The following ZNF185 variants were observed in gnomAD, a reference collection of about 807,000 sequenced individuals.
The protein encoded by ZNF185 is zinc finger protein 185 with LIM domain, also known as zinc finger protein 185.
In ZNF185, 56 loss-of-function variants were observed where a neutral mutation model predicts 58.6. The observed-to-expected ratio is 0.95, with a 90% CI of 0.77 to 1.19. The LOEUF (loss-of-function observed/expected upper bound fraction) is 1.19. Among genes scored for constraint, ZNF185 ranks in the 50% most tolerant of loss-of-function variants. The pLI is 0.00. For missense variants in ZNF185, 627 were observed against 573.5 expected (o/e 1.09, Z -0.95); for synonymous variants, 230 against 215.9 (o/e 1.07, Z -0.57).
At chrX:152,926,675 A>G (rs1480504831) in intron 11 of ZNF185, among the ~76,000 whole-genome samples, 8 of 111,640 alleles carry the variant, frequency 7.2e-5, no homozygotes, top group African/African-American at 2.3e-4. Flanking sequence ...TTCAGCTTGG[A>G]CTGGAGCTGT....
At chrX:152,920,913 C>T (rs1416019917) in intron 9 of ZNF185, among the ~76,000 whole-genome samples, 165 bp downstream of exon 10, 1 of 112,481 alleles carries the variant, frequency 8.9e-6, no homozygotes, top group Non-Finnish European at 1.9e-5. Flanking sequence ...TGTCTGGAGG[C>T]CTGGCAAGCA....
At chrX:152,971,675 G>A (rs1556919371) in exon 23 of ZNF185, 2 of 112,190 alleles carry the variant, frequency 1.8e-5, no homozygotes. Flanking sequence ...GACTGTTGAT[G>A]ATCCCTGGTG....
At position 152,920,732 on chromosome X, in the gene ZNF185, C is replaced by T. The variant is rs782018245; in HGVS notation, c.640C>T (p.Pro214Ser). The T allele has an allele frequency of 1.1e-4, 133 of 1,210,732 alleles. No homozygotes were observed. The East Asian group carries it at 3.9e-3, about 36-fold the overall frequency. Residue 214 changes from proline (P) to serine (S), a missense_variant, in exon 9 of 23, where the codon CCG (proline) becomes TCG (serine). Pro to Ser is a moderately conservative substitution (Grantham distance 74, BLOSUM62 -1). Transcript: ENST00000449285. The stretch of plus-strand genomic sequence containing the variant: ...CAGTCCTACCCAGGAGACACAGGCA[C>T]CGTTTATCGCGAAGAGGTAAGTGTC...
chrX:152,971,787 GTAGT>G (rs1486830627), exon 23 of ZNF185: 4 of 112,387 alleles, frequency 3.6e-5, no homozygotes, highest in African/African-American at 9.7e-5. Context: ...ACTTGTAAAA[GTAGT>G]TAGTTGCTTT....
intron 17 of ZNF185, among the ~76,000 whole-genome samples, chrX:152,960,181 CA>C (rs1188636760): frequency 1.8e-5 from 2 of 111,926 alleles, no homozygotes; most frequent in Non-Finnish European, 3.8e-5. Context: ...AAACCTGGGT[CA>C]GGGGAGGGAT....
intron 18 of ZNF185, 28 bp downstream of exon 20, chrX:152,963,977 A>C (rs1367536577): frequency 9.3e-6 from 11 of 1,177,286 alleles, no homozygotes; most frequent in African/African-American, 1.8e-5. Context: ...GCAACCTGGG[A>C]GATGTTCCTC....
intron 16 of ZNF185, among the ~76,000 whole-genome samples, chrX:152,948,331 T>C (rs1208082650): frequency 9.0e-6 from 1 of 111,173 alleles, no homozygotes; most frequent in Non-Finnish European, 1.9e-5. Flanking sequence ...TGTGACGTGA[T>C]GGATGTGGGA....
chrX:152,920,266 G>A (rs1939430462), intron 7 of ZNF185, 62 bp from the exon 9 acceptor site: 2 of 1,140,449 alleles, frequency 1.8e-6, no homozygotes, highest in Admixed American at 4.5e-5. Context: ...TCCCAGGCTA[G>A]GCTGGCAGAG....
intron 21 of ZNF185, 58 bp from the exon 24 acceptor site, chrX:152,970,385 C>T: frequency 9.0e-7 from 1 of 1,107,609 alleles, no homozygotes; most frequent in Non-Finnish European, 1.2e-6. Flanking sequence ...CCTTCCCACT[C>T]CACTCATTCC....
At chrX:152,958,680 C>T (rs1487583396) in intron 16 of ZNF185, among the ~76,000 whole-genome samples, 1 of 107,100 alleles carries the variant, frequency 9.3e-6, no homozygotes, top group Non-Finnish European at 1.9e-5. Context: ...TGCAGTGAGT[C>T]GAGATCACAC....
chrX:152,952,546 A>G (rs1489061033), intron 16 of ZNF185, among the ~76,000 whole-genome samples: 2 of 111,900 alleles, frequency 1.8e-5, no homozygotes, highest in Admixed American at 9.5e-5. Context: ...CGAGCCCTCA[A>G]TGGGTGCAGG....
At chrX:152,931,817 C>T (rs781827330) in intron 13 of ZNF185, 41 bp downstream of exon 14, 17 of 1,106,770 alleles carry the variant, frequency 1.5e-5, no homozygotes, top group Middle Eastern at 3.5e-4. Context: ...TCCCAGAACA[C>T]GGAGCCCACA....
In ZNF185 at chrX:152,944,317, G is replaced by A. The variant is rs111434691; in HGVS notation, c.1212-950G>A. ...AAAGAGTCCCAGGGTAGTTTGTAGC[G>A]TGTTCTTGTCTCGGGGTAGCCCCCA... is the stretch of plus-strand genomic sequence containing the variant. On this transcript the variant is annotated intron_variant, in intron 15 of 22. Coordinates refer to ENST00000449285, the Ensembl canonical transcript of ZNF185. Among the ~76,000 whole-genome samples the A allele has an allele frequency of 9.8e-3, 1,102 of 112,638 alleles. 7 individuals carry two copies. Among genetic ancestry groups the A allele is most frequent in the Non-Finnish European group, 0.013 (707 of 53,251 alleles).
intron 3 of ZNF185, among the ~76,000 whole-genome samples, chrX:152,915,824 CAG>C (rs781820458): frequency 4.8e-4 from 54 of 112,559 alleles, no homozygotes; most frequent in Middle Eastern, 4.6e-3. Flanking sequence ...CTGCTCCTGA[CAG>C]AGAAAGGGAA....
At chrX:152,898,803 G>T in the ZNF185 span, among the ~76,000 whole-genome samples, 1 of 112,655 alleles carries the variant, frequency 8.9e-6, no homozygotes, top group African/African-American at 3.2e-5. Flanking sequence ...GTTATCGACA[G>T]GATCGGCACT....
At chrX:152,938,437 C>G (rs1007150281) in intron 15 of ZNF185, among the ~76,000 whole-genome samples, 9 of 112,424 alleles carry the variant, frequency 8.0e-5, no homozygotes, top group Non-Finnish European at 1.9e-5. Context: ...TTGCTGGAGG[C>G]TGGAGCATGC....
chrX:152,939,645 G>C (rs182655733), intron 15 of ZNF185, among the ~76,000 whole-genome samples: 113 of 111,466 alleles, frequency 1.0e-3, no homozygotes, highest in African/African-American at 3.4e-3. Context: ...TATGCAACTT[G>C]ACAGAGGAGA....
exon 14 of ZNF185, chrX:152,932,918 G>A (rs1041593473): frequency 5.0e-6 from 6 of 1,204,170 alleles, no homozygotes; most frequent in African/African-American, 3.5e-5. Context: ...CCGGAGCCAC[G>A]GGCTCCCGGC....
chrX:152,914,545 T>G (rs6526143), intron 1 of ZNF185, 22 bp downstream of exon 2: 331,515 of 1,162,933 alleles, frequency 0.29, 34,083 homozygotes, highest in African/African-American at 0.34. Flanking sequence ...GCTCCCTGGT[T>G]TCCCAGGCTC....
Sources: allele counts gnomAD v4.1 joint callset (sites outside exome capture counted in the v4.1 genomes callset), GRCh38; gene constraint gnomAD v4.1.1; transcripts MANE v1.5; gene names NCBI Gene and HGNC (gene_info 2026-07-23, HGNC 2026-07-21).